The following RNF111 variants were observed in gnomAD, a reference collection of about 807,000 sequenced individuals.
The protein encoded by RNF111 is ring finger protein 111.
A neutral mutation model predicts 95.1 loss-of-function variants in RNF111; 17 were observed. The ratio of observed to expected loss-of-function variants is 0.18; its 90% confidence interval spans 0.12 to 0.27. The LOEUF (loss-of-function observed/expected upper bound fraction) is 0.27, where lower values mean the gene tolerates loss of function less well. Among genes scored for constraint, RNF111 ranks in the 10% least tolerant of loss-of-function variants. The probability of loss-of-function intolerance (pLI) is 1.00; values close to 1 mark genes in which losing one functional copy is unlikely to be tolerated. For missense variants in RNF111, 1,189 were observed against 1,210.4 expected (o/e 0.98, Z 0.26); for synonymous variants, 440 against 414.8 (o/e 1.06, Z -0.74).
chr15:59,049,523 G>A (rs2141939870), intron 2 of RNF111: 1 of 187,304 alleles, frequency 5.3e-6, no homozygotes, highest in Non-Finnish European at 1.1e-5. Context: ...TTTCTCTTTG[G>A]CTTCCTTCTT....
chr15:59,059,872 T>C (rs1393949604), intron 5 of RNF111, among the ~76,000 whole-genome samples: 1 of 152,236 alleles, frequency 6.6e-6, no homozygotes, highest in Non-Finnish European at 1.5e-5. Context: ...TCACCATTAA[T>C]AATGAAACCA....
At chr15:58,994,359 A>C (rs62002511) in intron 1 of RNF111, among the ~76,000 whole-genome samples, 10,298 of 151,800 alleles carry the variant, frequency 0.068, 498 homozygotes, top group Admixed American at 0.18. Flanking sequence ...TTATTTTGAC[A>C]TAATTTCAAA....
intron 1 of RNF111, among the ~76,000 whole-genome samples, chr15:59,006,939 C>T (rs1355271595): frequency 6.6e-6 from 1 of 152,136 alleles, no homozygotes; most frequent in African/African-American, 2.4e-5. Context: ...GCGCCCGCTA[C>T]CACGCCCAGC....
Position 59,030,930 on chromosome 15 carries a change from C to T in RNF111, c.108C>T (p.Ile36=). The T allele has an allele frequency of 6.2e-7, 1 of 1,614,196 alleles. No individual in the cohort carries two copies. The highest frequency in any genetic ancestry group is 8.5e-7 in the Non-Finnish European group (1 of 1,180,038). Reference sequence around the variant, plus strand: ...AGACACAGGAGAGTCTGAAAGGGATCCTTTTGCATCCAGAGCCCATTGGGG... The same window carrying T: ...AGACACAGGAGAGTCTGAAAGGGATTCTTTTGCATCCAGAGCCCATTGGGG... ...APKTQESLKG[I]LLHPEPIGAA... Residue 36 remains isoleucine, a synonymous_variant, in exon 2 of 14, where the codon ATC becomes ATT. Transcript: ENST00000348370.
intron 1 of RNF111, among the ~76,000 whole-genome samples, chr15:59,011,163 G>A (rs1218255483): frequency 6.6e-6 from 1 of 152,080 alleles, no homozygotes; most frequent in Non-Finnish European, 1.5e-5. Context: ...TGAGAAATAG[G>A]GTAATTGGGT....
intron 1 of RNF111, among the ~76,000 whole-genome samples, chr15:59,021,744 T>A (rs1246737451): frequency 6.6e-6 from 1 of 152,202 alleles, no homozygotes; most frequent in Non-Finnish European, 1.5e-5. Context: ...AAAATCTACA[T>A]CACTGTTCAC....
intron 1 of RNF111, among the ~76,000 whole-genome samples, chr15:59,008,876 G>A (rs1289369508): frequency 6.6e-6 from 1 of 152,196 alleles, no homozygotes; most frequent in East Asian, 1.9e-4. Flanking sequence ...ACGGTTGTAT[G>A]TATAATATGA....
In RNF111 at chr15:59,052,304, G is replaced by T; in HGVS notation, c.881-1G>T. The T allele has an allele frequency of 6.4e-7, 1 of 1,559,012 alleles. No individual in the cohort carries two copies. The highest frequency in any genetic ancestry group is 2.0e-5 in the Admixed American group (1 of 49,336). On this transcript the variant is annotated splice_acceptor_variant, in intron 2 of 13. Transcript: ENST00000348370. LOFTEE classifies it high-confidence loss of function. ...TAAATGTTTTTTCTTTTTGTTTCCA[G>T]GAAGTATTGATGAAGATGTTGTGGT...
chr15:59,029,152 A>T (rs1462845831), intron 1 of RNF111, among the ~76,000 whole-genome samples: 2 of 152,016 alleles, frequency 1.3e-5, no homozygotes, highest in East Asian at 3.9e-4. Context: ...TCCATCAGCA[A>T]TATATGAGGG....
chr15:59,070,734 A>C lies in RNF111; in HGVS notation c.1686+3651A>C, dbSNP rs539260541. 4.9e-4 allele frequency among the ~76,000 whole-genome samples: 75 copies of C among 152,152 alleles called. 4 individuals carry two copies. The South Asian group carries it at 0.015, about 30-fold the overall frequency. On this transcript the variant is annotated intron_variant, in intron 6 of 13. Transcript: ENST00000348370. ...ATCATCACACCCCTTTCCTTTCAGCACCCAGAGTTCCTTTTGTTTCTATTA... is the reference window on the plus strand; with the variant it reads ...ATCATCACACCCCTTTCCTTTCAGCCCCCAGAGTTCCTTTTGTTTCTATTA...
intron 7 of RNF111, among the ~76,000 whole-genome samples, chr15:59,078,685 C>G (rs1360865316): frequency 1.3e-5 from 2 of 151,954 alleles, no homozygotes; most frequent in Admixed American, 1.3e-4. Context: ...ATGGCGAAAC[C>G]CTGTCTCTAC....
At chr15:59,052,232 CA>C in intron 2 of RNF111, 72 bp from the exon 3 acceptor site, 1 of 1,334,058 alleles carries the variant, frequency 7.5e-7, no homozygotes, top group Non-Finnish European at 9.9e-7. Context: ...TCTTCAAAGT[CA>C]AAATAAAAAT....
At chr15:59,001,172 A>G (rs1051043044) in intron 1 of RNF111, among the ~76,000 whole-genome samples, 5 of 152,180 alleles carry the variant, frequency 3.3e-5, no homozygotes, top group Admixed American at 6.5e-5. Context: ...TAGCCATAGC[A>G]TGGTTGACCT....
chr15:59,031,084 A>G lies in RNF111; in HGVS notation c.262A>G (p.Ser88Gly). Residue 88 changes from serine to glycine, a missense_variant, in exon 2 of 14, where the codon AGT (serine) becomes GGT (glycine). Ser to Gly is a moderately conservative substitution (Grantham distance 56). Coordinates refer to ENST00000348370, the MANE Select transcript of RNF111 (RefSeq NM_017610.8). ...TGGTAACCAGCAAGAACAAGAAAAA[A>G]GTCTCGTTGTGAGGAAAAAACGCAA... Reference protein sequence around the residue: ...MNGNQQEQEKSLVVRKKRKSQ... With the variant: ...MNGNQQEQEKGLVVRKKRKSQ... 9 of 1,614,278 alleles carry G rather than the reference A, an allele frequency of 5.6e-6. No homozygotes were observed. The highest frequency in any genetic ancestry group is 7.6e-6 in the Non-Finnish European group (9 of 1,180,048).
chr15:59,010,046 T>C (rs935364), intron 1 of RNF111, among the ~76,000 whole-genome samples: 150,558 of 152,316 alleles, frequency 0.99, 74,434 homozygotes, highest in East Asian at 1. Context: ...ATATGCAATT[T>C]TTTTTTAGCT....
intron 1 of RNF111, among the ~76,000 whole-genome samples, chr15:59,000,958 T>C (rs1474694267): frequency 6.6e-6 from 1 of 152,146 alleles, no homozygotes; most frequent in Admixed American, 6.6e-5. Flanking sequence ...TGGAAATAAG[T>C]GAGCTGGAAA....
At chr15:59,015,170 C>T (rs1397355450) in intron 1 of RNF111, among the ~76,000 whole-genome samples, 1 of 152,024 alleles carries the variant, frequency 6.6e-6, no homozygotes, top group Non-Finnish European at 1.5e-5. Flanking sequence ...TATTTTTCTT[C>T]ATAATTTTCT....
At chr15:59,064,312 G>C (rs2042561881) in intron 5 of RNF111, among the ~76,000 whole-genome samples, 2 of 152,002 alleles carry the variant, frequency 1.3e-5, no homozygotes, top group African/African-American at 4.8e-5. Flanking sequence ...GAGGTGGGTG[G>C]ATCACGAGGT....
chr15:59,013,724 A>G (rs2039935258), intron 1 of RNF111, among the ~76,000 whole-genome samples: 1 of 152,158 alleles, frequency 6.6e-6, no homozygotes. Flanking sequence ...GTGTCCACAT[A>G]AATGTTTGGA....
Sources: gnomAD v4.1 joint callset for allele counts (sites outside exome capture counted in the v4.1 genomes callset) on GRCh38, gnomAD v4.1.1 for gene constraint, MANE v1.5 for transcripts, NCBI Gene and HGNC (gene_info 2026-07-23, HGNC 2026-07-21) for gene names.